DIPK2B: variants seen among roughly 807,000 people sequenced by gnomAD.
DIPK2B encodes divergent protein kinase domain 2B, also known as UPF0672 protein CXorf36.
DIPK2B carries 15 observed loss-of-function variants against 22.2 expected under a neutral mutation model. The observed-to-expected ratio is 0.68, with a 90% CI of 0.45 to 1.04. The LOEUF is 1.04. Among genes scored for constraint, DIPK2B ranks in the 50% least tolerant of loss-of-function variants. The pLI is 0.00. For synonymous variants in DIPK2B, 163 were observed against 153.2 expected (o/e 1.06, Z -0.47); for missense variants, 345 against 348.3 (o/e 0.99, Z 0.08).
At chrX:45,162,599 T>A in intron 2 of DIPK2B, 14 of 754,481 alleles carry the variant, frequency 1.9e-5, no homozygotes, top group Non-Finnish European at 2.2e-5. Context: ...AAAATAAGGT[T>A]TCATTTCAAA....
rs751324232 is a variant in DIPK2B, at chrX:45,163,749, C to A, written c.499-5861G>T. The A allele has an allele frequency of 1.7e-5, 13 of 757,624 alleles. No individual in the cohort carries two copies. In the African/African-American group the frequency reaches 2.1e-4, roughly 12 times the overall value. The allele number at this position is 757,624 out of a possible 1,213,427, so 62.4% of individuals were successfully genotyped here. ...AGTTCATCCATCACTAGGGCAAGAA[C>A]AGGTTTTCCTTCAGACCAGACCAAA... On this transcript the variant is annotated intron_variant, in intron 2 of 4. Coordinates refer to ENST00000398000, the MANE Select transcript of DIPK2B (RefSeq NM_176819.4).
At chrX:45,188,281 G>A (rs778215464) in intron 2 of DIPK2B, among the ~76,000 whole-genome samples, 1 of 112,264 alleles carries the variant, frequency 8.9e-6, no homozygotes, top group Admixed American at 9.4e-5. Context: ...GACAGAGGCT[G>A]CTAACTTAGA....
chrX:45,199,180 G>A (rs907133582), intron 1 of DIPK2B, among the ~76,000 whole-genome samples: 13 of 112,229 alleles, frequency 1.2e-4, no homozygotes, highest in African/African-American at 4.2e-4. Flanking sequence ...CACAAAAGAA[G>A]TTTAACATTT....
intron 2 of DIPK2B, among the ~76,000 whole-genome samples, chrX:45,185,653 CTTTTTT>C (rs147218566): frequency 1.2e-5 from 1 of 86,460 alleles, no homozygotes; most frequent in Admixed American, 1.3e-4. Context: ...CTTTTCTTTT[CTTTTTT>C]TTTTTTTTTT....
chrX:45,199,723 G>A (rs1402264668), intron 1 of DIPK2B, among the ~76,000 whole-genome samples: 1 of 111,077 alleles, frequency 9.0e-6, no homozygotes, highest in Non-Finnish European at 1.9e-5. Flanking sequence ...ATCAGACAAA[G>A]CCTTATTATT....
In DIPK2B at chrX:45,197,344, TCTCCTGCCTC is replaced by T. The variant is rs2047244583; in HGVS notation, c.233+3240_233+3249del. Among the ~76,000 whole-genome samples, 15 of 111,376 alleles carry T rather than the reference TCTCCTGCCTC, an allele frequency of 1.3e-4. No individual in the cohort carries two copies. The Admixed American group carries it at 1.4e-3, about 11-fold the overall frequency. On this transcript the variant is annotated intron_variant, in intron 1 of 4. Transcript: ENST00000398000. The stretch of plus-strand genomic sequence containing the variant: ...CCTCCGCCTCCCGGGTTCAAGCAAT[TCTCCTGCCTC>T]AGCTTCCCGAGTAGCTGGGACTATA...
intron 2 of DIPK2B, among the ~76,000 whole-genome samples, chrX:45,169,032 C>T (rs935430470): frequency 6.3e-5 from 7 of 111,748 alleles, no homozygotes; most frequent in African/African-American, 2.3e-4. Context: ...GGATAGGATT[C>T]ATGTTCTGAG....
At chrX:45,153,551 GAGAA>G (rs2046972952) in intron 4 of DIPK2B, among the ~76,000 whole-genome samples, 1 of 104,502 alleles carries the variant, frequency 9.6e-6, no homozygotes, top group African/African-American at 3.5e-5. Flanking sequence ...GAGAGAGAGT[GAGAA>G]AGAGAGAGAG....
At chrX:45,159,779 C>T (rs747643343) in intron 2 of DIPK2B, among the ~76,000 whole-genome samples, 3 of 112,073 alleles carry the variant, frequency 2.7e-5, no homozygotes, top group Non-Finnish European at 5.6e-5. Context: ...TCACAGGCCC[C>T]TTCCTCCATG....
At chrX:45,164,072 G>A in intron 2 of DIPK2B, 10 of 1,024,970 alleles carry the variant, frequency 9.8e-6, no homozygotes, top group South Asian at 3.6e-5. Context: ...GCATGTGAAG[G>A]TTTGATGCAG....
chrX:45,154,340 C>G, intron 3 of DIPK2B, 142 bp from the exon 4 acceptor site: 1 of 539,744 alleles, frequency 1.9e-6, no homozygotes, highest in Non-Finnish European at 2.9e-6. Context: ...TATCAATCAT[C>G]TATATCTATC....
intron 3 of DIPK2B, among the ~76,000 whole-genome samples, chrX:45,155,614 C>T (rs2046989380): frequency 9.2e-6 from 1 of 108,638 alleles, no homozygotes; most frequent in Non-Finnish European, 1.9e-5. Context: ...CTATATACAT[C>T]GTACAGATGT....
intron 2 of DIPK2B, 57 bp from the exon 3 acceptor site, chrX:45,157,945 T>C: frequency 2.1e-6 from 1 of 474,599 alleles, no homozygotes. Context: ...TAAGCTCTTG[T>C]GGGGGGTTAG....
chrX:45,180,486 G>A (rs1222070016), intron 2 of DIPK2B, among the ~76,000 whole-genome samples: 1 of 111,608 alleles, frequency 9.0e-6, no homozygotes, highest in Non-Finnish European at 1.9e-5. Context: ...TGTATTGGAA[G>A]CCCTAGCCAG....
chrX:45,174,547 G>C (rs2047105687), intron 2 of DIPK2B, among the ~76,000 whole-genome samples: 1 of 110,300 alleles, frequency 9.1e-6, no homozygotes, highest in Non-Finnish European at 1.9e-5. Flanking sequence ...CACAGAAGAG[G>C]TGGTATGAGC....
Position 45,200,649 on chromosome X carries a change from A to C in DIPK2B, c.178T>G (p.Cys60Gly). The C allele has an allele frequency of 8.2e-7, 1 of 1,212,501 alleles. No individual in the cohort carries two copies. The highest frequency in any genetic ancestry group is 1.1e-6 in the Non-Finnish European group (1 of 895,643). ...ATAGATGTCCCGATGCAGGCATTGC[A>C]TTTATCAAGACCGAGGAAAGTCCTT... is the stretch of plus-strand genomic sequence containing the variant. ...FGRTFLGLDK[C>G]NACIGTSICK... The change falls in exon 1 of 5, where the codon TGC becomes GGC. Residue 60 changes from cysteine (C) to glycine (G), a missense_variant. Physicochemically the swap from Cys to Gly is radical, Grantham distance 159. Coordinates refer to ENST00000398000, the MANE Select transcript of DIPK2B (RefSeq NM_176819.4).
At chrX:45,181,662 C>A (rs1043947168) in intron 2 of DIPK2B, among the ~76,000 whole-genome samples, 13 of 111,612 alleles carry the variant, frequency 1.2e-4, no homozygotes, top group Non-Finnish European at 3.8e-5. Context: ...GGGGAAAAAA[C>A]CCTTAACACC....
At chrX:45,157,691 A>G (rs1281253053) in intron 3 of DIPK2B, 24 bp downstream of exon 3, 2 of 1,168,040 alleles carry the variant, frequency 1.7e-6, no homozygotes, top group East Asian at 3.1e-5. Context: ...CCCAACCTAG[A>G]GGGCTTGCCA....
intron 2 of DIPK2B, among the ~76,000 whole-genome samples, chrX:45,166,551 A>G (rs1167397907): frequency 9.0e-6 from 1 of 111,429 alleles, no homozygotes; most frequent in Non-Finnish European, 1.9e-5. Flanking sequence ...GAACCTTGTC[A>G]TAGCATTCAC....
Sources: gnomAD v4.1 joint callset for allele counts (sites outside exome capture counted in the v4.1 genomes callset) on GRCh38, gnomAD v4.1.1 for gene constraint, MANE v1.5 for transcripts, NCBI Gene and HGNC (gene_info 2026-07-23, HGNC 2026-07-21) for gene names.